The following BOC variants were observed in gnomAD, a reference collection of about 807,000 sequenced individuals.
BOC encodes BOC cell adhesion associated, oncogene regulated.
In BOC, 76 loss-of-function variants were observed where a neutral mutation model predicts 112.0. The ratio of observed to expected loss-of-function variants is 0.68; its 90% confidence interval spans 0.56 to 0.82. BOC has a LOEUF of 0.82. Ranked by LOEUF, BOC falls within the 40% of genes least tolerant of loss-of-function variation. The pLI, the probability that BOC is intolerant of heterozygous loss-of-function variation, is 0.00. For synonymous variants in BOC, 580 were observed against 599.8 expected (o/e 0.97, Z 0.48); for missense variants, 1,309 against 1,511.7 (o/e 0.87, Z 2.22).
At chr3:113,247,777 A>G (rs1341893956) in intron 2 of BOC, among the ~76,000 whole-genome samples, 7 of 152,152 alleles carry the variant, frequency 4.6e-5, no homozygotes, top group Non-Finnish European at 8.8e-5. Flanking sequence ...GCCCCTCCCA[A>G]TTGTACTCAC....
Position 113,274,644 on chromosome 3 carries a change from C to A in BOC, c.1504C>A (p.Arg502=). The A allele has an allele frequency of 1.2e-6, 2 of 1,608,132 alleles. No individual in the cohort carries two copies. The highest frequency in any genetic ancestry group is 1.3e-5 in the African/African-American group (1 of 74,956). ...VWRPRHEGSG[R]APILYYVVKH... is the part of the protein sequence containing the mutation. ...GCGGCCTCGGCATGAGGGCAGTGGC[C>A]GGGCGCCAATCCTCTACTATGTGGT... Residue 502 remains arginine (R), a synonymous_variant, in exon 9 of 20, where the codon CGG becomes AGG. Coordinates refer to ENST00000682979, the MANE Select transcript of BOC (RefSeq NM_001378074.1). This position sits in a 1 kb window ranked among gnomAD's most constrained non-coding sequence, Gnocchi z 4.8.
At chr3:113,231,987 C>T (rs566126611) in intron 2 of BOC, among the ~76,000 whole-genome samples, 4 of 152,320 alleles carry the variant, frequency 2.6e-5, no homozygotes, top group Admixed American at 1.3e-4. Flanking sequence ...TTAGTCACAT[C>T]CATCATTAGT....
At chr3:113,212,990 G>A (rs951321267) in intron 1 of BOC, among the ~76,000 whole-genome samples, 3 of 152,192 alleles carry the variant, frequency 2.0e-5, no homozygotes, top group Non-Finnish European at 4.4e-5. Flanking sequence ...CAGACCTGAA[G>A]GAGTTAATGG....
chr3:113,216,365 T>A lies in BOC; in HGVS notation c.-82+91T>A, dbSNP rs114824845. ...TGTGTTACCACTTAGAGATAGTTTT[T>A]CTCATCCTCAAGTATTGGGAGTCCA... On this transcript the variant is annotated intron_variant, in intron 2 of 19. Transcript: ENST00000682979. The A allele has an allele frequency of 2.1e-3, 925 of 437,944 alleles. 7 individuals are homozygous for A. The highest frequency in any genetic ancestry group is 0.017 in the African/African-American group (843 of 49,510). 27.1% of individuals were successfully genotyped at this position (437,944 alleles called of 1,614,324 possible). A position where few individuals can be genotyped will look rare whatever the true frequency, so the allele number is the denominator to read the frequency against.
At chr3:113,233,852 T>C (rs1368846009) in intron 2 of BOC, among the ~76,000 whole-genome samples, 1 of 119,544 alleles carries the variant, frequency 8.4e-6, no homozygotes, top group African/African-American at 3.2e-5. Flanking sequence ...CCTGCCTGCC[T>C]TCTCCACTAA....
intron 2 of BOC, among the ~76,000 whole-genome samples, chr3:113,245,000 T>G (rs1402833186): frequency 1.3e-5 from 2 of 152,126 alleles, no homozygotes; most frequent in African/African-American, 4.8e-5. Flanking sequence ...CCTTCTGAAT[T>G]AGCTGGGAGA....
intron 19 of BOC, among the ~76,000 whole-genome samples, chr3:113,285,997 G>A (rs991756051): frequency 8.5e-5 from 13 of 152,156 alleles, no homozygotes; most frequent in Non-Finnish European, 1.5e-4. Context: ...TCATTAAGGA[G>A]CCAAATTCTT....
Position 113,286,751 on chromosome 3 carries a change from C to T in BOC, c.3237C>T (p.Asp1079=). ...ACTCCTGCCAAGTGAGTGGAGGAGA[C>T]TGGTGTCCCCAGCACCCCGTAGGGG... The part of the protein sequence containing the change: ...SPDSCQVSGG[D]WCPQHPVGAY... Residue 1079 remains aspartate, a synonymous_variant, in exon 20 of 20, where the codon GAC becomes GAT. Transcript: ENST00000682979. The T allele has an allele frequency of 6.2e-7, 1 of 1,613,846 alleles. No homozygotes were observed. The highest frequency in any genetic ancestry group is 2.2e-5 in the East Asian group (1 of 44,852).
intron 4 of BOC, among the ~76,000 whole-genome samples, chr3:113,265,175 C>T (rs1223025590): frequency 6.6e-6 from 1 of 152,208 alleles, no homozygotes; most frequent in Non-Finnish European, 1.5e-5. Flanking sequence ...CATGCTCCCT[C>T]CGTGCCTGGA....
chr3:113,280,818 C>T (rs1401240204), intron 14 of BOC, among the ~76,000 whole-genome samples, 155 bp downstream of exon 14: 1 of 152,164 alleles, frequency 6.6e-6, no homozygotes, highest in African/African-American at 2.4e-5. Context: ...TCATAATACC[C>T]TTGAAGCTGT....
intron 15 of BOC, among the ~76,000 whole-genome samples, chr3:113,282,768 G>A (rs1348229094): frequency 1.3e-5 from 2 of 152,096 alleles, no homozygotes; most frequent in East Asian, 3.9e-4. Context: ...GGCATACAGA[G>A]CAGCAGAGAG....
chr3:113,247,080 A>G (rs1388308315), intron 2 of BOC, among the ~76,000 whole-genome samples: 2 of 151,768 alleles, frequency 1.3e-5, no homozygotes, highest in African/African-American at 4.8e-5. Flanking sequence ...ATAAGAAACA[A>G]CCCTTCCATT....
At position 113,278,160 on chromosome 3, in the gene BOC, C is replaced by T; in HGVS notation, c.1608C>T (p.Thr536=). 3.7e-6 allele frequency: 6 copies of T among 1,614,248 alleles called. No individual in the cohort carries two copies. Among genetic ancestry groups the T allele is most frequent in the Admixed American group, 3.3e-5 (2 of 60,032 alleles). ...TTCCAGCCAACCAGCACCGCCTGAC[C>T]CTCACCAGACTTGACCCCGGGAGCT... The part of the protein sequence containing the change: ...SGIPANQHRL[T]LTRLDPGSLY... Residue 536 remains threonine, a synonymous_variant, in exon 10 of 20, where the codon ACC becomes ACT. Coordinates refer to ENST00000682979, the MANE Select transcript of BOC (RefSeq NM_001378074.1). The surrounding 1 kb of genome is among the most constrained non-coding windows in gnomAD (Gnocchi z 4.2).
In BOC at chr3:113,286,945, T is replaced by A; in HGVS notation, c.*83T>A. The A allele has an allele frequency of 7.7e-7, 1 of 1,301,008 alleles. No homozygotes were observed. The highest frequency in any genetic ancestry group is 2.6e-5 in the East Asian group (1 of 38,452). The allele number at this position is 1,301,008 out of a possible 1,614,324, so 80.6% of individuals were successfully genotyped here. On this transcript the variant is annotated 3_prime_UTR_variant, in exon 20 of 20. Coordinates refer to ENST00000682979, the MANE Select transcript of BOC (RefSeq NM_001378074.1). The stretch of plus-strand genomic sequence containing the variant: ...AGAAAAAAGAGACAGAGAAAATTGG[T>A]ATTTATTTTTCTATTATAGCCATAT...
At chr3:113,240,407 G>A (rs921082079) in intron 2 of BOC, among the ~76,000 whole-genome samples, 5 of 152,150 alleles carry the variant, frequency 3.3e-5, no homozygotes, top group African/African-American at 1.2e-4. Flanking sequence ...TACAGTAGGA[G>A]CCTTTTGCTT....
intron 1 of BOC, among the ~76,000 whole-genome samples, chr3:113,214,976 G>A (rs1387780718): frequency 3.3e-5 from 5 of 152,182 alleles, no homozygotes; most frequent in Non-Finnish European, 7.3e-5. Flanking sequence ...TGCTCATCAT[G>A]TGCATGCATA....
chr3:113,276,780 C>A (rs1948715177), intron 9 of BOC, among the ~76,000 whole-genome samples: 2 of 152,194 alleles, frequency 1.3e-5, no homozygotes, highest in Admixed American at 1.3e-4. Flanking sequence ...CCCCTTGGAA[C>A]AAATCCTGGA....
At chr3:113,221,846 T>C (rs149975310) in intron 2 of BOC, among the ~76,000 whole-genome samples, 3,690 of 152,226 alleles carry the variant, frequency 0.024, 68 homozygotes, top group Middle Eastern at 0.041. Flanking sequence ...TCAGGGGTCC[T>C]CACCTCACCC....
At chr3:113,251,078 G>A in intron 4 of BOC, 1 of 611,162 alleles carries the variant, frequency 1.6e-6, no homozygotes, top group Non-Finnish European at 2.9e-6. Context: ...GAGGGGAATT[G>A]GTCAGTGCAT....
Sources: allele counts gnomAD v4.1 joint callset (sites outside exome capture counted in the v4.1 genomes callset), GRCh38; gene constraint gnomAD v4.1.1; non-coding constraint Gnocchi (gnomAD v3.1); transcripts MANE v1.5; gene names NCBI Gene and HGNC (gene_info 2026-07-23, HGNC 2026-07-21).